The following KIAA1549 variants were observed in gnomAD, a reference collection of about 807,000 sequenced individuals.
KIAA1549 encodes the protein KIAA1549.
A neutral mutation model predicts 156.4 loss-of-function variants in KIAA1549; 70 were observed. The observed-to-expected ratio is 0.45, with a 90% CI of 0.37 to 0.55. The LOEUF is 0.55. Among genes scored for constraint, KIAA1549 ranks in the 20% least tolerant of loss-of-function variants. The pLI is 0.00. For synonymous variants in KIAA1549, 1,103 were observed against 1,066.4 expected, an observed-to-expected ratio of 1.03 and a Z score of -0.67; for missense variants, 2,428 against 2,540.9, an observed-to-expected ratio of 0.96 and a Z score of 0.96.
At chr7:138,905,772 T>C (rs980707153) in intron 6 of KIAA1549, among the ~76,000 whole-genome samples, 1 of 152,190 alleles carries the variant, frequency 6.6e-6, no homozygotes, top group Non-Finnish European at 1.5e-5. Context: ...GTGAAGCTAG[T>C]TGCTTCAGTC....
rs898762704 is a variant in KIAA1549 at position 138,957,011 on chromosome 7, G to A, written c.187+24072C>T. Among the ~76,000 whole-genome samples, 6 of 152,146 alleles carry A rather than the reference G, an allele frequency of 3.9e-5. No individual in the cohort carries two copies. The East Asian group carries it at 9.6e-4, about 24-fold the overall frequency. On this transcript the variant is annotated intron_variant, in intron 1 of 19. Coordinates refer to ENST00000422774, the MANE Select transcript of KIAA1549 (RefSeq NM_001164665.2). ...TATAATAGGGACGCACAGGGGCAAT[G>A]AGCATCCAAATCATTCTGGGATTTC...
At chr7:138,943,883 T>C (rs1195747586) in intron 1 of KIAA1549, among the ~76,000 whole-genome samples, 1 of 151,094 alleles carries the variant, frequency 6.6e-6, no homozygotes, top group Non-Finnish European at 1.5e-5. Context: ...ATGCATTACC[T>C]CACATAGCTT....
rs375730202 is a variant in KIAA1549, at chr7:138,968,933, TTTTAAC to T, written c.187+12144_187+12149del. 4.9e-3 allele frequency among the ~76,000 whole-genome samples: 749 copies of T among 152,240 alleles called. 6 individuals are homozygous for T. The highest frequency in any genetic ancestry group is 0.018 in the African/African-American group (731 of 41,518). ...CTTAATATTTTCTTTAGCATCCTTT[TTTTAAC>T]TTTATTTTAGGTTTGGGGTGTAAGT... On this transcript the variant is annotated intron_variant, in intron 1 of 19. Coordinates refer to ENST00000422774, the MANE Select transcript of KIAA1549 (RefSeq NM_001164665.2).
intron 10 of KIAA1549, among the ~76,000 whole-genome samples, chr7:138,890,731 A>C (rs192928174): frequency 1.3e-5 from 2 of 152,344 alleles, no homozygotes; most frequent in Admixed American, 6.5e-5. Flanking sequence ...ATATGCTCAC[A>C]GAGCCTCTTT....
At position 138,832,854 on chromosome 7, in the gene KIAA1549, A is replaced by G. The variant is rs1809579699; in HGVS notation, c.*5052T>C. 4.4e-6 allele frequency: 1 copy of G among 227,834 alleles called. No homozygotes were observed. Among genetic ancestry groups the G allele is most frequent in the Admixed American group, 5.7e-5 (1 of 17,590 alleles). 14.1% of individuals were successfully genotyped at this position (227,834 alleles called of 1,614,324 possible). A position where few individuals can be genotyped will look rare whatever the true frequency, so the allele number is the denominator to read the frequency against. Reference sequence around the variant, plus strand: ...TAAACACTGACAATCACCTCCACGAATATCAAAAGAAACCCGAAATGCACA... The same window carrying G: ...TAAACACTGACAATCACCTCCACGAGTATCAAAAGAAACCCGAAATGCACA... On this transcript the variant is annotated 3_prime_UTR_variant, in exon 20 of 20. Transcript: ENST00000422774.
rs574577916 is a variant in KIAA1549, at chr7:138,833,748, T to A, written c.*4158A>T. 3.0e-5 allele frequency: 7 copies of A among 233,122 alleles called. No individual in the cohort carries two copies. Among genetic ancestry groups the A allele is most frequent in the African/African-American group, 1.5e-4 (7 of 45,462 alleles). 14.4% of individuals were successfully genotyped at this position (233,122 alleles called of 1,614,324 possible). On this transcript the variant is annotated 3_prime_UTR_variant, in exon 20 of 20. Coordinates refer to ENST00000422774, the MANE Select transcript of KIAA1549 (RefSeq NM_001164665.2). ...CGTGGCCAAACGGCTGCTTGAGATC[T>A]GCTCTAAACAATGACCTCAGTGTCA...
rs777338360 is a variant in KIAA1549, at chr7:138,918,821, T to C, written c.805A>G (p.Ile269Val). Residue 269 changes from isoleucine to valine, a missense_variant, in exon 2 of 20, where the codon ATT becomes GTT. Physicochemically the swap from Ile to Val is conservative, Grantham distance 29 (BLOSUM62 3). Around this residue, in one of 5 missense-constraint regions of KIAA1549, gnomAD observed 893 missense variants for 847.9 expected, o/e 1.05. Coordinates refer to ENST00000422774, the MANE Select transcript of KIAA1549 (RefSeq NM_001164665.2). This position sits in a 1 kb window ranked among gnomAD's most constrained non-coding sequence, Gnocchi z 4.2. ...ACACCCTCTGTTAGGGAAGCCACAATCTCTGGCAGAGTCCTGCTTGATAAA... is the reference window on the plus strand; with the variant it reads ...ACACCCTCTGTTAGGGAAGCCACAACCTCTGGCAGAGTCCTGCTTGATAAA... ...SHLSSRTLPE[I>V]VASLTEGVET... 1.2e-6 allele frequency: 2 copies of C among 1,613,962 alleles called. No individual in the cohort carries two copies. The highest frequency in any genetic ancestry group is 1.7e-6 in the Non-Finnish European group (2 of 1,179,884).
chr7:138,855,929 T>TACCAGCCA (rs1442893940), intron 16 of KIAA1549, among the ~76,000 whole-genome samples: 6 of 152,294 alleles, frequency 3.9e-5, no homozygotes, highest in Admixed American at 3.9e-4. Flanking sequence ...CTCAACCTTC[T>TACCAGCCA]ACCAGCCAAC....
chr7:138,874,183 A>G (rs1481791200), intron 12 of KIAA1549, among the ~76,000 whole-genome samples: 1 of 151,396 alleles, frequency 6.6e-6, no homozygotes, highest in Non-Finnish European at 1.5e-5. Flanking sequence ...AGTACAAAGC[A>G]CAATGGACAC....
intron 1 of KIAA1549, among the ~76,000 whole-genome samples, chr7:138,965,638 T>C (rs1019567535): frequency 6.6e-6 from 1 of 152,096 alleles, no homozygotes; most frequent in Non-Finnish European, 1.5e-5. Flanking sequence ...CGTGATAAAG[T>C]GTGAAGCGAA....
intron 1 of KIAA1549, among the ~76,000 whole-genome samples, chr7:138,953,038 A>C (rs2130542838): frequency 6.6e-6 from 1 of 152,326 alleles, no homozygotes; most frequent in South Asian, 2.1e-4. Context: ...TTGCTTCAAA[A>C]GTCTGTTCTG....
intron 10 of KIAA1549, among the ~76,000 whole-genome samples, chr7:138,894,112 T>C (rs1481781210): frequency 6.6e-6 from 1 of 152,196 alleles, no homozygotes; most frequent in Non-Finnish European, 1.5e-5. Context: ...GGAGGGCATG[T>C]CATGGCTAGG....
At chr7:138,852,781 A>G (rs1221511133) in intron 16 of KIAA1549, among the ~76,000 whole-genome samples, 1 of 152,226 alleles carries the variant, frequency 6.6e-6, no homozygotes, top group African/African-American at 2.4e-5. Flanking sequence ...GAATGCTGCA[A>G]AAAAAGAAAA....
chr7:138,901,572 T>A (rs1811843195), intron 8 of KIAA1549, among the ~76,000 whole-genome samples: 1 of 152,170 alleles, frequency 6.6e-6, no homozygotes, highest in African/African-American at 2.4e-5. Context: ...GTGATCCACC[T>A]GCTCGGCCTC....
At chr7:138,947,876 C>T (rs1368952237) in intron 1 of KIAA1549, among the ~76,000 whole-genome samples, 1 of 152,124 alleles carries the variant, frequency 6.6e-6, no homozygotes, top group Admixed American at 6.5e-5. Context: ...AATCCTCCCA[C>T]CTCAGCCTCC....
rs761737159 is a variant in KIAA1549, at chr7:138,919,151, T to C, written c.475A>G (p.Asn159Asp). ...EVAVNDDEMDNFLPDTHWTTP... is the reference protein window; with the variant it reads ...EVAVNDDEMDDFLPDTHWTTP... The stretch of plus-strand genomic sequence containing the variant: ...GTCCAGTGAGTATCTGGCAGAAAGT[T>C]ATCCATCTCATCGTCATTGACGGCC... Residue 159 changes from asparagine to aspartate, a missense_variant, in exon 2 of 20, where the codon AAC becomes GAC. Around this residue, in one of 5 missense-constraint regions of KIAA1549, gnomAD observed 893 missense variants for 847.9 expected, o/e 1.05. Coordinates refer to ENST00000422774, the MANE Select transcript of KIAA1549 (RefSeq NM_001164665.2). 44 of 1,613,908 alleles carry C rather than the reference T, an allele frequency of 2.7e-5. No homozygotes were observed. In the Admixed American group the frequency reaches 6.5e-4, roughly 24 times the overall value.
At chr7:138,862,243 C>G (rs1218202559) in intron 15 of KIAA1549, among the ~76,000 whole-genome samples, 1 of 151,970 alleles carries the variant, frequency 6.6e-6, no homozygotes, top group Non-Finnish European at 1.5e-5. Flanking sequence ...ACCTGTAATC[C>G]CAGCAACTTG....
Position 138,861,421 on chromosome 7 carries a change from T to C in KIAA1549, c.4965A>G (p.Pro1655=). Residue 1655 remains proline (P), a synonymous_variant, in exon 16 of 20, where the codon CCA becomes CCG. Coordinates refer to ENST00000422774, the MANE Select transcript of KIAA1549 (RefSeq NM_001164665.2). ...DPDLPADVQT[P]SSVELGRYPA... ...GATACCTCCCCAGTTCCACCGAGGA[T>C]GGTGTCTGCACATCGGCTGGGAGGT... 6.2e-7 allele frequency: 1 copy of C among 1,612,340 alleles called. No individual in the cohort carries two copies. Among genetic ancestry groups the C allele is most frequent in the Non-Finnish European group, 8.5e-7 (1 of 1,179,318 alleles).
Position 138,912,396 on chromosome 7 carries a change from G to C in KIAA1549, c.2943C>G (p.His981Gln), listed in dbSNP as rs754650271. The change falls in exon 3 of 20, where the codon CAC becomes CAG. Residue 981 changes from histidine to glutamine, a missense_variant. Physicochemically the swap from His to Gln is conservative, Grantham distance 24. Transcript: ENST00000422774. ...CCTTCAGTTCCACTGCACGGTTGAAGTGAATCCTCAGTACTTCTTTGATTG... is the reference window on the plus strand; with the variant it reads ...CCTTCAGTTCCACTGCACGGTTGAACTGAATCCTCAGTACTTCTTTGATTG... The part of the protein sequence containing the change: ...ITAIKEVLRI[H>Q]FNRAVELKVY... 2 of 1,613,880 alleles carry C rather than the reference G, an allele frequency of 1.2e-6. No individual in the cohort carries two copies. The highest frequency in any genetic ancestry group is 2.2e-5 in the South Asian group (2 of 91,082).
Sources: gnomAD v4.1 joint callset for allele counts (sites outside exome capture counted in the v4.1 genomes callset) on GRCh38, gnomAD v4.1.1 for gene constraint, gnomAD v4.1.1 regional missense constraint, Gnocchi (gnomAD v3.1) non-coding constraint, MANE v1.5 for transcripts, NCBI Gene and HGNC (gene_info 2026-07-23, HGNC 2026-07-21) for gene names.